Variants in DCLK1 observed in about 807,000 individuals in gnomAD.
DCLK1 encodes the protein serine/threonine-protein kinase DCLK1.
A neutral mutation model predicts 86.2 loss-of-function variants in DCLK1; 16 were observed. The observed-to-expected ratio is 0.19, with a 90% CI of 0.13 to 0.28. DCLK1 has a LOEUF of 0.28. Among genes scored for constraint, DCLK1 ranks in the 10% least tolerant of loss-of-function variants. DCLK1 has a pLI of 1.00. For synonymous variants in DCLK1, 369 were observed against 370.5 expected (o/e 1.00, Z 0.05); for missense variants, 590 against 940.2 (o/e 0.63, Z 4.87).
chr13:35,890,210 G>A (rs867736736), intron 4 of DCLK1, among the ~76,000 whole-genome samples: 2 of 151,910 alleles, frequency 1.3e-5, no homozygotes, highest in African/African-American at 2.4e-5. Flanking sequence ...AGTTCAATAC[G>A]CTATAGATAA....
chr13:35,862,955 C>T (rs189904702), intron 5 of DCLK1, among the ~76,000 whole-genome samples: 44 of 152,292 alleles, frequency 2.9e-4, no homozygotes, highest in Non-Finnish European at 5.6e-4. Flanking sequence ...ACCATATATC[C>T]GATGGTGGTC....
intron 16 of DCLK1, among the ~76,000 whole-genome samples, chr13:35,786,324 C>T (rs1190181359): frequency 6.6e-6 from 1 of 152,132 alleles, no homozygotes; most frequent in Non-Finnish European, 1.5e-5. Context: ...ATTAGATATA[C>T]TTGATGCCTA....
chr13:36,021,293 A>G (rs1465950296), intron 3 of DCLK1, among the ~76,000 whole-genome samples: 1 of 151,696 alleles, frequency 6.6e-6, no homozygotes, highest in Non-Finnish European at 1.5e-5. Context: ...TATGTACTAG[A>G]AAACACTTAT....
At chr13:35,888,989 T>A (rs1873469841) in intron 4 of DCLK1, among the ~76,000 whole-genome samples, 1 of 152,154 alleles carries the variant, frequency 6.6e-6, no homozygotes, top group Non-Finnish European at 1.5e-5. Flanking sequence ...ATGGCAGAAT[T>A]TTTTTCCTTT....
At chr13:36,070,637 T>A (rs1315128762) in intron 3 of DCLK1, among the ~76,000 whole-genome samples, 1 of 110,918 alleles carries the variant, frequency 9.0e-6, no homozygotes, top group Non-Finnish European at 1.8e-5. Context: ...TTTATTTTTT[T>A]AACTTAATTT....
intron 3 of DCLK1, among the ~76,000 whole-genome samples, chr13:35,997,909 A>G (rs1880541422): frequency 6.6e-6 from 1 of 152,158 alleles, no homozygotes; most frequent in Non-Finnish European, 1.5e-5. Context: ...TATTACTGAT[A>G]TTTAATATAA....
chr13:35,908,658 G>A (rs1042282489), intron 4 of DCLK1, among the ~76,000 whole-genome samples: 2 of 152,180 alleles, frequency 1.3e-5, no homozygotes, highest in South Asian at 4.1e-4. Flanking sequence ...TTGTCCCAAT[G>A]GAACTTTGCT....
chr13:35,794,869 TG>T lies in DCLK1; in HGVS notation c.1945-1391del, dbSNP rs576796088. ...ATTCCAGTAGAGTGGGGATGCTACT[TG>T]GGGAGGGAACAGAAGCAGGGCCACA... On this transcript the variant is annotated intron_variant, in intron 15 of 16. Transcript: ENST00000360631. Among the ~76,000 whole-genome samples, 122 of 152,234 alleles carry T rather than the reference TG, an allele frequency of 8.0e-4. 1 individual carries two copies. The highest frequency in any genetic ancestry group is 2.9e-3 in the African/African-American group (119 of 41,546).
chr13:35,819,130 C>T (rs956933354), intron 11 of DCLK1, among the ~76,000 whole-genome samples: 1 of 152,136 alleles, frequency 6.6e-6, no homozygotes, highest in African/African-American at 2.4e-5. Context: ...GCATGACAAC[C>T]AGTAAAGCAA....
chr13:36,083,145 T>C (rs1884478959), intron 3 of DCLK1, among the ~76,000 whole-genome samples: 1 of 152,182 alleles, frequency 6.6e-6, no homozygotes, highest in Admixed American at 6.5e-5. Flanking sequence ...AACAATCTAT[T>C]CTTTATTGGG....
At chr13:36,087,993 CAAT>C (rs752830284) in intron 3 of DCLK1, among the ~76,000 whole-genome samples, 5 of 152,186 alleles carry the variant, frequency 3.3e-5, no homozygotes, top group African/African-American at 7.2e-5. Flanking sequence ...GTCTAAACAA[CAAT>C]GTTTTTTAAA....
At chr13:35,933,599 G>A (rs4258485) in intron 4 of DCLK1, among the ~76,000 whole-genome samples, 3,513 of 152,306 alleles carry the variant, frequency 0.023, 171 homozygotes, top group East Asian at 0.21. Context: ...AAGACTTGGG[G>A]CTTGCACCAT....
intron 2 of DCLK1, among the ~76,000 whole-genome samples, chr13:36,125,056 C>T (rs8002290): frequency 0.31 from 46,391 of 151,842 alleles, 7,485 homozygotes; most frequent in South Asian, 0.41. Context: ...CATCCGTGGA[C>T]GCAAACAGTC....
At chr13:35,785,325 A>G (rs2086601337) in intron 16 of DCLK1, among the ~76,000 whole-genome samples, 2 of 152,098 alleles carry the variant, frequency 1.3e-5, no homozygotes, top group South Asian at 4.2e-4. Context: ...ATTTCCAGGA[A>G]GGGGAAAATA....
At chr13:35,890,484 A>C (rs1184100006) in intron 4 of DCLK1, among the ~76,000 whole-genome samples, 2 of 152,202 alleles carry the variant, frequency 1.3e-5, no homozygotes, top group African/African-American at 4.8e-5. Context: ...ACTTAGCCAG[A>C]TCTCTACTGA....
chr13:35,849,263 A>T (rs1380550467), intron 6 of DCLK1: 1 of 985,348 alleles, frequency 1.0e-6, no homozygotes, highest in Non-Finnish European at 1.2e-6. Flanking sequence ...ACAATTTATC[A>T]GGGAGATAAA....
chr13:35,958,284 G>GCTATAACCATCACCACCACTA lies in DCLK1; in HGVS notation c.724-10828_724-10827insTAGTGGTGGTGATGGTTATAG. ...TACTATAACCATTACCACCATCACT[G>GCTATAACCATCACCACCACTA]CCACTATAACCACTATAATAAACAC... On this transcript the variant is annotated intron_variant, in intron 3 of 16. Coordinates refer to ENST00000360631, the MANE Select transcript of DCLK1 (RefSeq NM_001330071.2). 4.2e-3 allele frequency among the ~76,000 whole-genome samples: 31 copies of GCTATAACCATCACCACCACTA among 7,384 alleles called. 12 individuals carry two copies. The highest frequency in any genetic ancestry group is 0.016 in the African/African-American group (30 of 1,870). The allele number at this position is 7,384 out of a possible 152,430, so 4.8% of individuals were successfully genotyped here. A position where few individuals can be genotyped will look rare whatever the true frequency, so the allele number is the denominator to read the frequency against.
intron 3 of DCLK1, among the ~76,000 whole-genome samples, chr13:36,028,126 A>T (rs1882117453): frequency 6.6e-6 from 1 of 152,218 alleles, no homozygotes; most frequent in African/African-American, 2.4e-5. Context: ...CTTTCCAGGT[A>T]TTTTAAAATT....
intron 6 of DCLK1, among the ~76,000 whole-genome samples, chr13:35,845,547 A>G (rs1383326208): frequency 6.6e-6 from 1 of 152,126 alleles, no homozygotes; most frequent in Non-Finnish European, 1.5e-5. Flanking sequence ...GGACACCATT[A>G]GTGGTTTTAA....
Sources: gnomAD v4.1 joint callset for allele counts (sites outside exome capture counted in the v4.1 genomes callset) on GRCh38, gnomAD v4.1.1 for gene constraint, MANE v1.5 for transcripts, NCBI Gene and HGNC (gene_info 2026-07-23, HGNC 2026-07-21) for gene names.